The following CDH15 variants were observed in gnomAD, a reference collection of about 807,000 sequenced individuals.
CDH15 encodes cadherin 15.
In CDH15, 73 loss-of-function variants were observed where a neutral mutation model predicts 69.4. The observed-to-expected ratio is 1.05, with a 90% confidence interval of 0.87 to 1.28. CDH15 has a LOEUF of 1.28. Ranked by LOEUF, CDH15 falls within the 50% of genes most tolerant of loss-of-function variation. The probability of loss-of-function intolerance (pLI) is 0.00; values close to 1 mark genes in which losing one functional copy is unlikely to be tolerated. For missense variants in CDH15, 1,343 were observed against 1,133.6 expected (o/e 1.18, Z -2.65); for synonymous variants, 624 against 507.7 (o/e 1.23, Z -3.08).
At chr16:89,181,601 C>G (rs534148809) in intron 3 of CDH15, among the ~76,000 whole-genome samples, 1 of 151,810 alleles carries the variant, frequency 6.6e-6, no homozygotes, top group South Asian at 2.1e-4. Flanking sequence ...TGCGCCGCTG[C>G]GCTCCAGCCT....
rs1223955018 is a variant in CDH15 at position 89,190,344 on chromosome 16, C to T, written c.1080C>T (p.Ala360=). 6.2e-7 allele frequency: 1 copy of T among 1,612,702 alleles called. No individual in the cohort carries two copies. The highest frequency in any genetic ancestry group is 8.5e-7 in the Non-Finnish European group (1 of 1,179,914). ...CCCTTAGGGCTGAGCGGGGCCAGGC[C>T]AAGGTCCGCGTGCATGTGCAGGACA... The part of the protein sequence containing the change: ...AAALRAERGQ[A]KVRVHVQDTN... The change falls in exon 8 of 14, where the codon GCC becomes GCT. Residue 360 remains alanine (A), a synonymous_variant. Transcript: ENST00000289746.
chr16:89,187,296 T>G (rs1915511576), intron 5 of CDH15, 133 bp from the exon 6 acceptor site: 1 of 996,130 alleles, frequency 1.0e-6, no homozygotes, highest in South Asian at 1.4e-5. Flanking sequence ...TCAGGGCCAC[T>G]TGGGGTCTTC....
chr16:89,191,935 T>TC, intron 10 of CDH15, 41 bp downstream of exon 10: 2 of 1,466,000 alleles, frequency 1.4e-6, no homozygotes, highest in Non-Finnish European at 1.8e-6. Context: ...ATCCCCACGC[T>TC]CCCCCCACCC....
chr16:89,190,223 G>T lies in CDH15; in HGVS notation c.979-20G>T, dbSNP rs762961058. ...CACACTTGCGTTGGGCGGATGACGG[G>T]CTGTGCTTCCTTCCCTCAGGCCCTG... On this transcript the variant is annotated intron_variant, in intron 7 of 13. Transcript: ENST00000289746. The T allele has an allele frequency of 1.9e-6, 3 of 1,609,884 alleles. No individual in the cohort carries two copies. The highest frequency in any genetic ancestry group is 2.5e-6 in the Non-Finnish European group (3 of 1,178,784).
In CDH15 at chr16:89,191,483, C is replaced by G. The variant is rs989371827; in HGVS notation, c.1375+11C>G. The G allele has an allele frequency of 1.3e-5, 21 of 1,611,538 alleles. No homozygotes were observed. The African/African-American group carries it at 2.4e-4, about 18-fold the overall frequency. On this transcript the variant is annotated intron_variant, in intron 9 of 13. Coordinates refer to ENST00000289746, the MANE Select transcript of CDH15 (RefSeq NM_004933.3). The stretch of plus-strand genomic sequence containing the variant: ...TGGCCCAGGATGACGGTGAGCGGCG[C>G]CGCCGGCTTGGGGCTCCCTGACCTG...
At chr16:89,188,592 C>CGG (rs1915551832) in intron 7 of CDH15, among the ~76,000 whole-genome samples, 1 of 121,518 alleles carries the variant, frequency 8.2e-6, no homozygotes. Flanking sequence ...ACACAGATGC[C>CGG]CACACACAGA....
At chr16:89,172,080 C>A (rs1288359978) in intron 1 of CDH15, among the ~76,000 whole-genome samples, 1 of 152,094 alleles carries the variant, frequency 6.6e-6, no homozygotes, top group African/African-American at 2.4e-5. Context: ...AACACTCCAT[C>A]TGGTGGAATC....
intron 4 of CDH15, 83 bp downstream of exon 4, chr16:89,183,775 TCCAGAGG>T: frequency 7.1e-7 from 1 of 1,405,752 alleles, no homozygotes; most frequent in Non-Finnish European, 9.6e-7. Context: ...AAGCAAGAAT[TCCAGAGG>T]CCCCTCAGAG....
chr16:89,187,316 T>TG (rs1915512082), intron 5 of CDH15, 113 bp from the exon 6 acceptor site: 1 of 1,300,570 alleles, frequency 7.7e-7, no homozygotes, highest in African/African-American at 1.5e-5. Context: ...CAACACCCAC[T>TG]GGGTGCTCCC....
At chr16:89,172,650 T>C (rs1369563001) in intron 1 of CDH15, among the ~76,000 whole-genome samples, 1 of 152,114 alleles carries the variant, frequency 6.6e-6, no homozygotes, top group African/African-American at 2.4e-5. Flanking sequence ...AGCCCAGGCC[T>C]CAGCCCCCCA....
rs754080104 is a variant in CDH15 at position 89,180,203 on chromosome 16, A to T, written c.205A>T (p.Lys69Ter). The change falls in exon 3 of 14, where the codon AAG (lysine) becomes TAG (stop). Residue 69 changes from lysine to a stop codon, truncating the protein, a stop_gained. Coordinates refer to ENST00000289746, the MANE Select transcript of CDH15 (RefSeq NM_004933.3). LOFTEE classifies it high-confidence loss of function. ...AAACCCATTTCCTGCCCCACAGATC[A>T]AGTCGGACAAGCAGCAGCTGGGCAG... Reference protein sequence around the residue: ...KRLPYPLVQIKSDKQQLGSVI... With the variant: ...KRLPYPLVQI 6.2e-7 allele frequency: 1 copy of T among 1,610,762 alleles called. No homozygotes were observed. The highest frequency in any genetic ancestry group is 1.3e-5 in the African/African-American group (1 of 74,832).
At chr16:89,178,884 T>C (rs965631681) in intron 1 of CDH15, among the ~76,000 whole-genome samples, 1 of 152,188 alleles carries the variant, frequency 6.6e-6, no homozygotes, top group Admixed American at 6.5e-5. Flanking sequence ...GCCAGCCCAC[T>C]GTGCCCACAG....
intron 5 of CDH15, among the ~76,000 whole-genome samples, chr16:89,186,809 CAGA>C (rs1460623479): frequency 1.4e-5 from 2 of 147,896 alleles, no homozygotes; most frequent in Admixed American, 6.7e-5. Context: ...ACCCAGCGCA[CAGA>C]AGGTGCTCTG....
intron 5 of CDH15, 195 bp downstream of exon 5, chr16:89,185,528 G>A (rs554905456): frequency 1.2e-5 from 8 of 693,900 alleles, no homozygotes; most frequent in Middle Eastern, 3.7e-4. Context: ...GCGCTGGCCC[G>A]GGTGGGAGGG....
chr16:89,194,413 G>A (rs931137374), intron 13 of CDH15, among the ~76,000 whole-genome samples: 4 of 152,232 alleles, frequency 2.6e-5, no homozygotes, highest in Admixed American at 6.5e-5. Context: ...CAGCCAAGGT[G>A]TACACCCCCG....
chr16:89,183,415 G>C (rs1415542927), intron 3 of CDH15, 133 bp from the exon 4 acceptor site: 6 of 1,021,948 alleles, frequency 5.9e-6, no homozygotes, highest in Admixed American at 2.0e-5. Flanking sequence ...ACCCTGTGCT[G>C]TTTCTCGCCT....
chr16:89,175,213 G>C (rs1915233350), intron 1 of CDH15, among the ~76,000 whole-genome samples: 1 of 152,232 alleles, frequency 6.6e-6, no homozygotes, highest in Non-Finnish European at 1.5e-5. Context: ...GGTGGAGGCA[G>C]CTGGAGGTTG....
intron 3 of CDH15, 48 bp from the exon 4 acceptor site, chr16:89,183,500 C>G (rs1915419789): frequency 6.2e-7 from 1 of 1,612,556 alleles, no homozygotes; most frequent in Admixed American, 1.7e-5. Flanking sequence ...ACGGGAGCCA[C>G]AGAAATTTGG....
chr16:89,180,790 C>G (rs1001482632), intron 3 of CDH15, among the ~76,000 whole-genome samples: 1 of 150,484 alleles, frequency 6.6e-6, no homozygotes, highest in South Asian at 2.1e-4. Context: ...GTGGCGGGAT[C>G]TCGGCTCACT....
Sources: gnomAD v4.1 joint callset for allele counts (sites outside exome capture counted in the v4.1 genomes callset) on GRCh38, gnomAD v4.1.1 for gene constraint, MANE v1.5 for transcripts, NCBI Gene and HGNC (gene_info 2026-07-23, HGNC 2026-07-21) for gene names.